Variants in ADARB2 observed in about 807,000 individuals in gnomAD.
ADARB2 encodes adenosine deaminase RNA specific B2 (inactive).
Under a neutral mutation model 62.2 loss-of-function variants are expected in ADARB2, and 25 were observed. That is an observed-to-expected ratio of 0.40 (90% CI 0.29 to 0.56). ADARB2 has a LOEUF of 0.56. Ranked by LOEUF, ADARB2 falls within the 20% of genes least tolerant of loss-of-function variation. ADARB2 has a pLI of 0.43. For missense variants in ADARB2, 1,071 were observed against 1,077.4 expected (o/e 0.99, Z 0.08); for synonymous variants, 572 against 500.8 (o/e 1.14, Z -1.90).
intron 1 of ADARB2, among the ~76,000 whole-genome samples, chr10:1,428,880 C>A (rs181300612): frequency 6.6e-6 from 1 of 151,816 alleles, no homozygotes; most frequent in Admixed American, 6.6e-5. Context: ...CACACACACA[C>A]GGACACACAC....
At chr10:1,471,782 G>T (rs1325935823) in intron 1 of ADARB2, among the ~76,000 whole-genome samples, 1 of 152,110 alleles carries the variant, frequency 6.6e-6, no homozygotes, top group East Asian at 1.9e-4. Context: ...TCTGATATTT[G>T]CTACTTTATG....
intron 1 of ADARB2, among the ~76,000 whole-genome samples, chr10:1,698,798 C>T (rs1028141284): frequency 6.6e-6 from 1 of 152,188 alleles, no homozygotes; most frequent in Non-Finnish European, 1.5e-5. Context: ...CTTGCTCTGT[C>T]GCTCAGGCTG....
intron 3 of ADARB2, among the ~76,000 whole-genome samples, chr10:1,278,949 G>A (rs1231221198): frequency 4.6e-5 from 7 of 152,172 alleles, no homozygotes; most frequent in Non-Finnish European, 8.8e-5. Flanking sequence ...GAATGACTGC[G>A]TGTATGGATA....
intron 1 of ADARB2, among the ~76,000 whole-genome samples, chr10:1,714,639 A>T (rs1834993704): frequency 6.6e-6 from 1 of 152,192 alleles, no homozygotes; most frequent in African/African-American, 2.4e-5. Context: ...TTTTAGATAC[A>T]TACCCTCCTC....
intron 1 of ADARB2, among the ~76,000 whole-genome samples, chr10:1,473,819 G>A (rs1831358687): frequency 6.6e-6 from 1 of 152,250 alleles, no homozygotes; most frequent in Non-Finnish European, 1.5e-5. Context: ...GGCAATTTGG[G>A]TGGCTTCTGG....
chr10:1,551,973 C>A (rs923202368), intron 1 of ADARB2, among the ~76,000 whole-genome samples: 2 of 152,178 alleles, frequency 1.3e-5, no homozygotes, highest in Non-Finnish European at 1.5e-5. Context: ...CCCAGGGGGG[C>A]GGAGTGAGGT....
At chr10:1,222,373 C>G (rs186237144) in intron 6 of ADARB2, among the ~76,000 whole-genome samples, 43 of 152,206 alleles carry the variant, frequency 2.8e-4, no homozygotes, top group South Asian at 4.1e-4. Flanking sequence ...TTTGCCTGTT[C>G]ACTCTGATGT....
In ADARB2 at chr10:1,626,957, C is replaced by T. The variant is rs548816049; in HGVS notation, c.100+110094G>A. On this transcript the variant is annotated intron_variant, in intron 1 of 9. Transcript: ENST00000381312. Reference sequence around the variant, plus strand: ...CTGTGCCTTCCTCCTAAGAATCCCTCTCTGTGGGGTCCTGCTGCCCTCTCC... The same window carrying T: ...CTGTGCCTTCCTCCTAAGAATCCCTTTCTGTGGGGTCCTGCTGCCCTCTCC... 2.0e-5 allele frequency among the ~76,000 whole-genome samples: 3 copies of T among 152,238 alleles called. No homozygotes were observed. The East Asian group carries it at 5.8e-4, about 29-fold the overall frequency.
chr10:1,497,764 G>T (rs1478952900), intron 1 of ADARB2, among the ~76,000 whole-genome samples: 1 of 152,090 alleles, frequency 6.6e-6, no homozygotes, highest in East Asian at 1.9e-4. Flanking sequence ...TAATTGAGGG[G>T]ATCTCACATA....
At chr10:1,656,287 G>A (rs984867038) in intron 1 of ADARB2, among the ~76,000 whole-genome samples, 12 of 152,200 alleles carry the variant, frequency 7.9e-5, no homozygotes, top group Admixed American at 1.3e-4. Context: ...GGCCTCAGAT[G>A]ACGTCGAACC....
rs1428960138 is a variant in ADARB2 at position 1,209,528 on chromosome 10, T to G, written c.1682+7423A>C. The stretch of plus-strand genomic sequence containing the variant: ...CTACACTGTCACCCATGCCCACACC[T>G]ACAGCCTCGCCCACACCCATGCCAT... On this transcript the variant is annotated intron_variant, in intron 7 of 9. Transcript: ENST00000381312. Among the ~76,000 whole-genome samples, 570 of 101,284 alleles carry G rather than the reference T, an allele frequency of 5.6e-3. 3 individuals are homozygous for G. The highest frequency in any genetic ancestry group is 0.021 in the African/African-American group (531 of 25,722). 66.4% of individuals were successfully genotyped at this position (101,284 alleles called of 152,430 possible).
intron 1 of ADARB2, among the ~76,000 whole-genome samples, chr10:1,446,451 A>G (rs914917053): frequency 2.6e-5 from 4 of 152,184 alleles, no homozygotes; most frequent in African/African-American, 9.7e-5. Flanking sequence ...AGTTGTTACT[A>G]TTTTTCCCAC....
At chr10:1,672,943 G>A (rs146766047) in intron 1 of ADARB2, among the ~76,000 whole-genome samples, 1 of 152,144 alleles carries the variant, frequency 6.6e-6, no homozygotes, top group African/African-American at 2.4e-5. Flanking sequence ...TTTAACCTAC[G>A]GGTTTCATCC....
intron 7 of ADARB2, among the ~76,000 whole-genome samples, chr10:1,203,518 C>T (rs774245223): frequency 6.6e-6 from 1 of 152,210 alleles, no homozygotes; most frequent in Non-Finnish European, 1.5e-5. Flanking sequence ...CAGCTGCCAC[C>T]CGTCCCGGCG....
intron 1 of ADARB2, among the ~76,000 whole-genome samples, chr10:1,592,319 CCCT>C: frequency 6.9e-6 from 1 of 145,316 alleles, no homozygotes; most frequent in Non-Finnish European, 1.5e-5. Context: ...CACCCAGCTT[CCCT>C]CGCCCAAGCC....
chr10:1,706,336 C>T (rs1834889932), intron 1 of ADARB2, among the ~76,000 whole-genome samples: 1 of 152,132 alleles, frequency 6.6e-6, no homozygotes, highest in Non-Finnish European at 1.5e-5. Flanking sequence ...GAAATGGGTA[C>T]AAAGAGAACT....
chr10:1,380,100 T>A (rs1425450589), intron 1 of ADARB2, among the ~76,000 whole-genome samples: 1 of 152,204 alleles, frequency 6.6e-6, no homozygotes, highest in Non-Finnish European at 1.5e-5. Flanking sequence ...CAGAACTCAC[T>A]GCACTGCAGA....
chr10:1,504,514 C>T (rs1831810839), intron 1 of ADARB2, among the ~76,000 whole-genome samples: 2 of 152,146 alleles, frequency 1.3e-5, no homozygotes, highest in African/African-American at 4.8e-5. Context: ...TGCTGCAGAC[C>T]CCTGACTCGG....
At chr10:1,266,511 T>TGGGGGGGGGGGGGGGGGGGGGG (rs782182369) in intron 4 of ADARB2, among the ~76,000 whole-genome samples, 2 of 128,436 alleles carry the variant, frequency 1.6e-5, no homozygotes, top group African/African-American at 3.1e-5. Flanking sequence ...TGGTGGGGGG[T>TGGGGGGGGGGGGGGGGGGGGGG]GGGGGGGGGG....
Sources: allele counts gnomAD v4.1 joint callset (sites outside exome capture counted in the v4.1 genomes callset), GRCh38; gene constraint gnomAD v4.1.1; transcripts MANE v1.5; gene names NCBI Gene and HGNC (gene_info 2026-07-23, HGNC 2026-07-21).